Variants in CHD9NB observed in about 807,000 individuals in gnomAD.
The protein encoded by CHD9NB is CHD9 neighbor protein.
the CHD9NB span, chr16:53,043,176 AAG>A: frequency 2.6e-5 from 4 of 152,268 alleles, no homozygotes; most frequent in African/African-American, 7.2e-5. Flanking sequence ...CGGGGGAGAA[AAG>A]AGAGGCTGAC....
the CHD9NB span, among the ~76,000 whole-genome samples, chr16:53,039,247 A>T: frequency 2.6e-5 from 4 of 152,192 alleles, no homozygotes; most frequent in Admixed American, 6.5e-5. Flanking sequence ...CTAGGGGAAG[A>T]ATTATTCTGG....
the CHD9NB span, among the ~76,000 whole-genome samples, chr16:53,045,295 C>T: frequency 6.6e-6 from 1 of 152,108 alleles, no homozygotes; most frequent in Non-Finnish European, 1.5e-5. Flanking sequence ...TTTGAAGACC[C>T]CATCAGGCTA....
chr16:53,045,513 T>C, the CHD9NB span, among the ~76,000 whole-genome samples: 1 of 152,200 alleles, frequency 6.6e-6, no homozygotes, highest in Admixed American at 6.5e-5. Context: ...CTAGCATTCC[T>C]TTTCCTAACT....
At chr16:53,036,741 G>A in the CHD9NB span, among the ~76,000 whole-genome samples, 1 of 152,202 alleles carries the variant, frequency 6.6e-6, no homozygotes, top group Non-Finnish European at 1.5e-5. Flanking sequence ...CTCATACCCT[G>A]TAGTTCAACA....
At chr16:53,051,768 A>AAAATATAT in the CHD9NB span, among the ~76,000 whole-genome samples, 1 of 104,614 alleles carries the variant, frequency 9.6e-6, no homozygotes, top group African/African-American at 5.2e-5. Flanking sequence ...TAAAAGTATA[A>AAAATATAT]ATATATATAT....
the CHD9NB span, among the ~76,000 whole-genome samples, chr16:53,046,713 C>G: frequency 6.6e-6 from 1 of 152,030 alleles, no homozygotes; most frequent in Non-Finnish European, 1.5e-5. Flanking sequence ...AAAAAGAAGC[C>G]TTGTCTTGCC....
chr16:53,051,600 C>A, the CHD9NB span, among the ~76,000 whole-genome samples: 1 of 126,416 alleles, frequency 7.9e-6, no homozygotes, highest in Non-Finnish European at 1.6e-5. Flanking sequence ...AGGGGAACAT[C>A]GCACACCGGG....
At chr16:53,049,839 T>C in the CHD9NB span, among the ~76,000 whole-genome samples, 1 of 152,200 alleles carries the variant, frequency 6.6e-6, no homozygotes, top group African/African-American at 2.4e-5. Flanking sequence ...GTGTACATGC[T>C]GTATGCCCTT....
At chr16:53,052,356 G>C in the CHD9NB span, among the ~76,000 whole-genome samples, 3 of 152,068 alleles carry the variant, frequency 2.0e-5, no homozygotes, top group South Asian at 6.2e-4. Flanking sequence ...AATGAACAAT[G>C]ATCACCTGGA....
At chr16:53,050,138 G>A in the CHD9NB span, among the ~76,000 whole-genome samples, 1 of 152,100 alleles carries the variant, frequency 6.6e-6, no homozygotes, top group African/African-American at 2.4e-5. Flanking sequence ...GGGAGGCAGA[G>A]GTTGCAGTGA....
the CHD9NB span, among the ~76,000 whole-genome samples, chr16:53,049,322 T>TTGTGTGTGTG: frequency 9.2e-3 from 1,338 of 144,978 alleles, 36 homozygotes; most frequent in African/African-American, 0.033. Flanking sequence ...CCCCCAGCTG[T>TTGTGTGTGTG]TGTGTGTGTG....
At chr16:53,051,927 G>C in the CHD9NB span, among the ~76,000 whole-genome samples, 2 of 151,226 alleles carry the variant, frequency 1.3e-5, no homozygotes, top group Non-Finnish European at 2.9e-5. Context: ...AGATAATCCA[G>C]ATTCACGTTC....
At chr16:53,050,637 T>C in the CHD9NB span, among the ~76,000 whole-genome samples, 1 of 152,360 alleles carries the variant, frequency 6.6e-6, no homozygotes, top group South Asian at 2.1e-4. Flanking sequence ...GACCAGAATG[T>C]GACCAGTCTT....
chr16:53,050,178 G>A, the CHD9NB span, among the ~76,000 whole-genome samples: 1 of 152,016 alleles, frequency 6.6e-6, no homozygotes, highest in East Asian at 1.9e-4. Flanking sequence ...ACTCCAGCCT[G>A]GGTAGGAGTA....
At chr16:53,047,651 A>C in the CHD9NB span, among the ~76,000 whole-genome samples, 2 of 152,162 alleles carry the variant, frequency 1.3e-5, no homozygotes, top group Non-Finnish European at 2.9e-5. Context: ...TGCCTCCATA[A>C]AGTCTCTATC....
the CHD9NB span, among the ~76,000 whole-genome samples, chr16:53,038,281 C>G: frequency 6.6e-6 from 1 of 152,170 alleles, no homozygotes; most frequent in Non-Finnish European, 1.5e-5. Context: ...CCAGGCACAC[C>G]CAGAAATAAT....
the CHD9NB span, among the ~76,000 whole-genome samples, chr16:53,037,957 A>T: frequency 6.6e-6 from 1 of 152,166 alleles, no homozygotes; most frequent in African/African-American, 2.4e-5. Flanking sequence ...TCACATTATT[A>T]TGGAGGCCAA....
chr16:53,048,246 A>G, the CHD9NB span, among the ~76,000 whole-genome samples: 4 of 151,998 alleles, frequency 2.6e-5, no homozygotes, highest in African/African-American at 7.2e-5. Context: ...TCTACAAAAA[A>G]CAGACAAAAA....
At chr16:53,049,322 TTGTGTGTGTGTGTGTG>T in the CHD9NB span, among the ~76,000 whole-genome samples, 24 of 145,000 alleles carry the variant, frequency 1.7e-4, no homozygotes, top group African/African-American at 5.7e-4. Flanking sequence ...CCCCCAGCTG[TTGTGTGTGTGTGTGTG>T]TGTGTGTGTG....
Sources: gnomAD v4.1 joint callset for allele counts (sites outside exome capture counted in the v4.1 genomes callset) on GRCh38, gnomAD v4.1.1 for gene constraint, MANE v1.5 for transcripts, NCBI Gene and HGNC (gene_info 2026-07-23, HGNC 2026-07-21) for gene names.